The following TMEM132C variants were observed in gnomAD, a reference collection of about 807,000 sequenced individuals.
The protein encoded by TMEM132C is protein phosphatase 1, regulatory subunit 152.
TMEM132C carries 29 observed loss-of-function variants against 61.4 expected under a neutral mutation model. That is an observed-to-expected ratio of 0.47 (90% CI 0.35 to 0.64). The LOEUF (loss-of-function observed/expected upper bound fraction) is 0.64. Among genes scored for constraint, TMEM132C ranks in the 30% least tolerant of loss-of-function variants. TMEM132C has a pLI of 0.00. For synonymous variants in TMEM132C, 656 were observed against 633.1 expected, an observed-to-expected ratio of 1.04 and a Z score of -0.54; for missense variants, 1,408 against 1,476.9, an observed-to-expected ratio of 0.95 and a Z score of 0.76.
chr12:128,642,893 T>C (rs961002681), intron 4 of TMEM132C, among the ~76,000 whole-genome samples: 2 of 152,220 alleles, frequency 1.3e-5, no homozygotes, highest in Admixed American at 6.5e-5. Context: ...AAGTGTGTGC[T>C]GTTCACCTGT....
Position 128,626,115 on chromosome 12 carries a change from ATTTC to A in TMEM132C, c.1305+9792_1305+9795del, listed in dbSNP as rs531938101. Among the ~76,000 whole-genome samples the A allele has an allele frequency of 1.8e-3, 262 of 149,568 alleles. 1 individual carries two copies. The highest frequency in any genetic ancestry group is 6.1e-3 in the African/African-American group (248 of 40,558). On this transcript the variant is annotated intron_variant, in intron 4 of 8. Coordinates refer to ENST00000435159, the MANE Select transcript of TMEM132C (RefSeq NM_001136103.3). ...AGTTATTTTGAATTTTGGTAACTGC[ATTTC>A]TTTCTTTCTTTTTTTTTTTTTTAAT...
chr12:128,623,336 G>A (rs1259150333), intron 4 of TMEM132C, among the ~76,000 whole-genome samples: 3 of 151,940 alleles, frequency 2.0e-5, no homozygotes, highest in African/African-American at 7.3e-5. Flanking sequence ...AGAAAGTAAA[G>A]CTATGTTCTG....
At chr12:128,647,907 G>C (rs1954224226) in intron 4 of TMEM132C, among the ~76,000 whole-genome samples, 1 of 149,086 alleles carries the variant, frequency 6.7e-6, no homozygotes, top group East Asian at 2.0e-4. Context: ...ATGTGAGTGT[G>C]TTTAGCTCAG....
At chr12:128,319,426 G>A (rs1033461230) in intron 1 of TMEM132C, among the ~76,000 whole-genome samples, 5 of 152,024 alleles carry the variant, frequency 3.3e-5, no homozygotes, top group East Asian at 1.9e-4. Context: ...TGCGGTTCAC[G>A]TGTTCTGTTT....
chr12:128,393,410 G>A (rs572092056), intron 1 of TMEM132C, among the ~76,000 whole-genome samples: 1 of 152,256 alleles, frequency 6.6e-6, no homozygotes, highest in Non-Finnish European at 1.5e-5. Context: ...CTTGCTGAAA[G>A]GAAATGACAG....
At chr12:128,458,244 TATA>T (rs1012989684) in intron 2 of TMEM132C, among the ~76,000 whole-genome samples, 38 of 145,710 alleles carry the variant, frequency 2.6e-4, no homozygotes, top group African/African-American at 5.8e-4. Flanking sequence ...AGTATTATAA[TATA>T]ATATTTAGTA....
chr12:128,417,395 C>T (rs1868817753), intron 2 of TMEM132C, among the ~76,000 whole-genome samples: 2 of 152,066 alleles, frequency 1.3e-5, no homozygotes, highest in Admixed American at 6.5e-5. Flanking sequence ...GTCTAAGGTC[C>T]ACAACCTTAC....
At chr12:128,656,454 G>A (rs558882945) in intron 4 of TMEM132C, among the ~76,000 whole-genome samples, 47 of 152,324 alleles carry the variant, frequency 3.1e-4, no homozygotes, top group African/African-American at 1.1e-3. Flanking sequence ...GAAAAAGGAC[G>A]AAAGAAATGC....
intron 1 of TMEM132C, among the ~76,000 whole-genome samples, chr12:128,333,837 GTGTA>G (rs1872727422): frequency 6.6e-6 from 1 of 151,452 alleles, no homozygotes; most frequent in Admixed American, 6.6e-5. Context: ...TTTGTGGTGT[GTGTA>G]TGTGTGAGAA....
At chr12:128,660,880 C>T (rs529028591) in intron 4 of TMEM132C, among the ~76,000 whole-genome samples, 1 of 151,918 alleles carries the variant, frequency 6.6e-6, no homozygotes, top group South Asian at 2.1e-4. Flanking sequence ...GCAGGTTTCA[C>T]CAGAGAAACA....
intron 1 of TMEM132C, among the ~76,000 whole-genome samples, chr12:128,388,948 A>G (rs1020978240): frequency 6.6e-6 from 1 of 152,146 alleles, no homozygotes; most frequent in Non-Finnish European, 1.5e-5. Flanking sequence ...GGCTGCTCCA[A>G]AAGAAGTCTG....
rs144382343 is a variant in TMEM132C, at chr12:128,637,116, T to A, written c.1305+20781T>A. ...ATACTGATTTGATTTCCTTTGGATA[T>A]ACCTCCAGAAGTGGGATTGCTGGAT... On this transcript the variant is annotated intron_variant, in intron 4 of 8. Coordinates refer to ENST00000435159, the MANE Select transcript of TMEM132C (RefSeq NM_001136103.3). Among the ~76,000 whole-genome samples, 574 of 152,370 alleles carry A rather than the reference T, an allele frequency of 3.8e-3. 3 individuals carry two copies. The highest frequency in any genetic ancestry group is 0.013 in the African/African-American group (542 of 41,584).
chr12:128,462,659 T>G (rs1870577791), intron 2 of TMEM132C, among the ~76,000 whole-genome samples: 1 of 152,238 alleles, frequency 6.6e-6, no homozygotes, highest in South Asian at 2.1e-4. Context: ...TTTATTGTTG[T>G]ATTTTACTTC....
At position 128,317,191 on chromosome 12, in the gene TMEM132C, A is replaced by AT. The variant is rs555576136; in HGVS notation, c.85+49714dup. ...CTGCACCAAATGCAGTTCTGTACTC[A>AT]TTTTTTTTTTCCTAAGCAAAACTTT... On this transcript the variant is annotated intron_variant, in intron 1 of 8. Coordinates refer to ENST00000435159, the MANE Select transcript of TMEM132C (RefSeq NM_001136103.3). Among the ~76,000 whole-genome samples the AT allele has an allele frequency of 3.4e-4, 50 of 149,040 alleles. 1 individual carries two copies. Among genetic ancestry groups the AT allele is most frequent in the African/African-American group, 9.6e-4 (39 of 40,716 alleles).
At chr12:128,493,701 G>A (rs917468027) in intron 2 of TMEM132C, among the ~76,000 whole-genome samples, 1 of 152,174 alleles carries the variant, frequency 6.6e-6, no homozygotes, top group African/African-American at 2.4e-5. Context: ...CATTGATTTT[G>A]TACCTGAGAC....
intron 2 of TMEM132C, among the ~76,000 whole-genome samples, chr12:128,448,502 C>T (rs1870067114): frequency 6.6e-6 from 1 of 152,160 alleles, no homozygotes; most frequent in African/African-American, 2.4e-5. Flanking sequence ...GCGGGCCAGC[C>T]TGGGCTTGTT....
chr12:128,682,880 T>C (rs1954646635), intron 5 of TMEM132C, among the ~76,000 whole-genome samples: 2 of 152,228 alleles, frequency 1.3e-5, no homozygotes, highest in Non-Finnish European at 2.9e-5. Flanking sequence ...CAACGGCTGC[T>C]GGCGGACACC....
At chr12:128,284,690 G>A (rs979025817) in intron 1 of TMEM132C, among the ~76,000 whole-genome samples, 1 of 152,162 alleles carries the variant, frequency 6.6e-6, no homozygotes, top group Admixed American at 6.5e-5. Flanking sequence ...TCTACCTATA[G>A]CAGTTAAACA....
At chr12:128,302,234 T>C (rs1019798171) in intron 1 of TMEM132C, among the ~76,000 whole-genome samples, 2 of 152,196 alleles carry the variant, frequency 1.3e-5, no homozygotes, top group African/African-American at 4.8e-5. Context: ...TTACTTTGTA[T>C]TGTATCATTG....
Sources: allele counts gnomAD v4.1 joint callset (sites outside exome capture counted in the v4.1 genomes callset), GRCh38; gene constraint gnomAD v4.1.1; transcripts MANE v1.5; gene names NCBI Gene and HGNC (gene_info 2026-07-23, HGNC 2026-07-21).